PCDHA5: variants seen among roughly 807,000 people sequenced by gnomAD.
PCDHA5 encodes the protein protocadherin alpha 5.
In PCDHA5, 43 loss-of-function variants were observed where a neutral mutation model predicts 61.6. That is an observed-to-expected ratio of 0.70 (90% CI 0.55 to 0.90). PCDHA5 has a LOEUF of 0.90. Ranked by LOEUF, PCDHA5 falls within the 40% of genes least tolerant of loss-of-function variation. The pLI is 0.00. For synonymous variants in PCDHA5, 627 were observed against 543.9 expected (o/e 1.15, Z -2.13); for missense variants, 1,298 against 1,222.7 (o/e 1.06, Z -0.92).
chr5:140,871,036 C>A (rs781977409), intron 1 of PCDHA5: 2 of 1,613,156 alleles, frequency 1.2e-6, no homozygotes, highest in East Asian at 2.2e-5. Flanking sequence ...GCCGCGCCAC[C>A]GACTTCTAGT....
chr5:140,967,831 C>T (rs2153762943), intron 1 of PCDHA5: 1 of 1,614,130 alleles, frequency 6.2e-7, no homozygotes, highest in Admixed American at 1.7e-5. Flanking sequence ...TGGTGGACAT[C>T]GTGGACGTGA....
intron 3 of PCDHA5, among the ~76,000 whole-genome samples, chr5:140,993,152 C>A (rs932484139): frequency 2.6e-4 from 39 of 152,142 alleles, no homozygotes; most frequent in African/African-American, 9.2e-4. Context: ...TAAATGGATT[C>A]TAAATATTTG....
Position 140,823,009 on chromosome 5 carries a change from C to G in PCDHA5, c.1234C>G (p.Leu412Val). 1 of 1,614,246 alleles carries G rather than the reference C, an allele frequency of 6.2e-7. No homozygotes were observed. Among genetic ancestry groups the G allele is most frequent in the Non-Finnish European group, 8.5e-7 (1 of 1,180,052 alleles). ...CTACTCGTTGGTGCTGGACAGCGCC[C>G]TGGACCGCGAGAGCGTGTCGGTCTA... ...NYYSLVLDSALDRESVSVYEL... is the reference protein window; with the variant it reads ...NYYSLVLDSAVDRESVSVYEL... Residue 412 changes from leucine (L) to valine (V), a missense_variant, in exon 1 of 4, where the codon CTG (leucine) becomes GTG (valine). By Grantham distance (32) the Leu-to-Val change is conservative. Coordinates refer to ENST00000529859, the MANE Select transcript of PCDHA5 (RefSeq NM_018908.3).
At chr5:140,898,930 G>A (rs2067050521) in intron 1 of PCDHA5, among the ~76,000 whole-genome samples, 1 of 152,054 alleles carries the variant, frequency 6.6e-6, no homozygotes, top group African/African-American at 2.4e-5. Context: ...GGATTCCTAA[G>A]TATTTTATTC....
chr5:140,941,245 TTCTTTCTTTCTC>T (rs2092955664), intron 1 of PCDHA5, among the ~76,000 whole-genome samples: 1 of 140,868 alleles, frequency 7.1e-6, no homozygotes, highest in African/African-American at 2.6e-5. Flanking sequence ...CTTTCTTTCT[TTCTTTCTTTCTC>T]TTTCTTTCTT....
At position 140,821,664 on chromosome 5, in the gene PCDHA5, A is replaced by G; in HGVS notation, c.-112A>G. ...GAACCTTCCATTTTTGGCTGTGCCA[A>G]GAAGCTCAGAAAGGCGATAATATAA... On this transcript the variant is annotated 5_prime_UTR_variant, in exon 1 of 4. Coordinates refer to ENST00000529859, the MANE Select transcript of PCDHA5 (RefSeq NM_018908.3). 1 of 1,232,770 alleles carries G rather than the reference A, an allele frequency of 8.1e-7. No individual in the cohort carries two copies. Among genetic ancestry groups the G allele is most frequent in the East Asian group, 2.5e-5 (1 of 40,804 alleles). 76.4% of individuals were successfully genotyped at this position (1,232,770 alleles called of 1,614,324 possible).
At position 140,836,722 on chromosome 5, in the gene PCDHA5, C is replaced by T. The variant is rs1218762370; in HGVS notation, c.2352+12595C>T. ...TTCAGTCCCAGCCTTCCTCAGGGTC[C>T]ATCCTCTACAGACAATGTGAGTCAT... On this transcript the variant is annotated intron_variant, in intron 1 of 3. Coordinates refer to ENST00000529859, the MANE Select transcript of PCDHA5 (RefSeq NM_018908.3). 3.1e-6 allele frequency: 5 copies of T among 1,611,958 alleles called. No individual in the cohort carries two copies. Among genetic ancestry groups the T allele is most frequent in the Non-Finnish European group, 4.2e-6 (5 of 1,178,776 alleles).
intron 1 of PCDHA5, chr5:140,835,375 C>A (rs2150234654): frequency 1.9e-6 from 3 of 1,613,974 alleles, no homozygotes; most frequent in South Asian, 1.1e-5. Context: ...CCACCCCTGG[C>A]TGGTCATTGT....
At chr5:140,957,548 T>C (rs1554223015) in intron 1 of PCDHA5, among the ~76,000 whole-genome samples, 1 of 152,154 alleles carries the variant, frequency 6.6e-6, no homozygotes, top group Non-Finnish European at 1.5e-5. Flanking sequence ...GAAAGTATTC[T>C]CTGTGGAAAA....
chr5:140,834,771 C>G (rs2150226115), intron 1 of PCDHA5: 1 of 1,613,992 alleles, frequency 6.2e-7, no homozygotes, highest in East Asian at 2.2e-5. Context: ...TAACGACAAC[C>G]CTCCGGTGTT....
intron 1 of PCDHA5, chr5:140,860,137 A>C (rs941289854): frequency 1.3e-5 from 2 of 150,438 alleles, no homozygotes; most frequent in Non-Finnish European, 3.0e-5. Flanking sequence ...GTGTGTGTAT[A>C]TATATGTATA....
At position 140,821,623 on chromosome 5, in the gene PCDHA5, T is replaced by C. The variant is rs1360154097; in HGVS notation, c.-153T>C. On this transcript the variant is annotated 5_prime_UTR_variant, in exon 1 of 4. Transcript: ENST00000529859. ...AGGAATACAGTGAGTAGATTTTCCT[T>C]AGACAGAAAGGAAAAGAACCTTCCA... The C allele has an allele frequency of 5.5e-6, 5 of 902,228 alleles. No individual in the cohort carries two copies. In the East Asian group the frequency reaches 1.3e-4, roughly 24 times the overall value. The allele number at this position is 902,228 out of a possible 1,614,324, so 55.9% of individuals were successfully genotyped here.
At chr5:140,842,699 T>A in intron 1 of PCDHA5, 3 of 1,595,060 alleles carry the variant, frequency 1.9e-6, no homozygotes, top group Non-Finnish European at 2.6e-6. Context: ...GCAGCCCGAG[T>A]ACACGGTGTT....
chr5:140,879,470 T>C (rs73793510), intron 1 of PCDHA5, among the ~76,000 whole-genome samples: 2,106 of 152,256 alleles, frequency 0.014, 41 homozygotes, highest in African/African-American at 0.048. Flanking sequence ...GAGAATACCG[T>C]TGTGATTGGA....
At chr5:140,882,621 A>T (rs374336585) in intron 1 of PCDHA5, 1 of 1,614,094 alleles carries the variant, frequency 6.2e-7, no homozygotes, top group African/African-American at 1.3e-5. Context: ...CAGGTTTTCC[A>T]TGTGGAGGTG....
chr5:140,939,501 G>A (rs1270789150), intron 1 of PCDHA5, among the ~76,000 whole-genome samples: 1 of 150,708 alleles, frequency 6.6e-6, no homozygotes. Context: ...TAAATTCAAT[G>A]TCTATAACAT....
intron 1 of PCDHA5, among the ~76,000 whole-genome samples, chr5:140,974,533 C>T (rs540810616): frequency 1.5e-4 from 23 of 152,160 alleles, no homozygotes; most frequent in Middle Eastern, 6.8e-3. Flanking sequence ...TTTTTTGAGA[C>T]GGAGTTTTGC....
chr5:140,858,060 G>A lies in PCDHA5; in HGVS notation c.2352+33933G>A, dbSNP rs17844348. ...ACTGTGCTTGTGTCGCTTGTGGAGG[G>A]CAGCCAGGCACCCAAGGCCTCGTCG... On this transcript the variant is annotated intron_variant, in intron 1 of 3. Transcript: ENST00000529859. The A allele has an allele frequency of 4.3e-4, 686 of 1,597,590 alleles. 15 individuals are homozygous for A. In the East Asian group the frequency reaches 0.015, roughly 34 times the overall value.
At position 140,823,567 on chromosome 5, in the gene PCDHA5, C is replaced by A. The variant is rs2150126965; in HGVS notation, c.1792C>A (p.Pro598Thr). The A allele has an allele frequency of 1.2e-6, 2 of 1,613,944 alleles. No individual in the cohort carries two copies. Among genetic ancestry groups the A allele is most frequent in the South Asian group, 2.2e-5 (2 of 91,074 alleles). ...HVVAKVRAVD[P>T]DSGYNAWLSY... ...GGTGGCGAAGGTGCGCGCAGTGGAC[C>A]CTGATTCGGGCTACAACGCTTGGCT... Residue 598 changes from proline (P) to threonine (T), a missense_variant, in exon 1 of 4, where the codon CCT becomes ACT. Pro to Thr is a conservative substitution (Grantham distance 38). Transcript: ENST00000529859.
Sources: allele counts gnomAD v4.1 joint callset (sites outside exome capture counted in the v4.1 genomes callset), GRCh38; gene constraint gnomAD v4.1.1; transcripts MANE v1.5; gene names NCBI Gene and HGNC (gene_info 2026-07-23, HGNC 2026-07-21).